The following CD2AP variants were observed in gnomAD, a reference collection of about 807,000 sequenced individuals.
CD2AP encodes the protein CD2-associated protein.
A neutral mutation model predicts 85.1 loss-of-function variants in CD2AP; 46 were observed. That is an observed-to-expected ratio of 0.54 (90% CI 0.43 to 0.69). The LOEUF (loss-of-function observed/expected upper bound fraction) is 0.69, where lower values mean the gene tolerates loss of function less well. CD2AP is among the 30% of genes least tolerant of loss of function. CD2AP has a pLI of 0.00. For synonymous variants in CD2AP, 255 were observed against 252.9 expected, an observed-to-expected ratio of 1.01 and a Z score of -0.08; for missense variants, 769 against 729.5, an observed-to-expected ratio of 1.05 and a Z score of -0.62.
rs1305481036 is a variant in CD2AP, at chr6:47,554,688, GGA to G, written c.464_465del (p.Gly155AlafsTer15). The G allele has an allele frequency of 1.9e-6, 3 of 1,613,476 alleles. No individual in the cohort carries two copies. The highest frequency in any genetic ancestry group is 2.2e-5 in the South Asian group (2 of 91,050). On this transcript the variant is annotated frameshift_variant, in exon 5 of 18. Transcript: ENST00000359314. LOFTEE classifies it high-confidence loss of function. The stretch of plus-strand genomic sequence containing the variant: ...GAGTGGAACCCTGAATAACAAGTTG[GGA>G]CTGTTTCCCTCAAATTTTGTGAAAG... ...WWSGTLNNKLGLFPSNFVKEL... is the reference protein window; with the variant it reads ...WWSGTLNNKLXLFPSNFVKEL...
chr6:47,545,638 C>A (rs1280450463), intron 4 of CD2AP, among the ~76,000 whole-genome samples: 1 of 152,168 alleles, frequency 6.6e-6, no homozygotes, highest in East Asian at 1.9e-4. Flanking sequence ...CCACTTCCAC[C>A]AGAGCAGGTG....
chr6:47,577,072 AAG>A lies in CD2AP; in HGVS notation c.875_876del (p.Glu292GlyfsTer9), dbSNP rs1273156721. On this transcript the variant is annotated frameshift_variant, in exon 8 of 18. Coordinates refer to ENST00000359314, the MANE Select transcript of CD2AP (RefSeq NM_012120.3). LOFTEE classifies it high-confidence loss of function. Reference sequence around the variant, plus strand: ...ACTAATGAAGATGAACTTACTTTTAAAGAGGGGGAGATAATCCATTTGATAAG... The same window carrying A: ...ACTAATGAAGATGAACTTACTTTTAAAGGGGGAGATAATCCATTTGATAAG... 2.0e-6 allele frequency: 3 copies of A among 1,534,694 alleles called. No homozygotes were observed. Among genetic ancestry groups the A allele is most frequent in the Non-Finnish European group, 2.7e-6 (3 of 1,108,092 alleles).
intron 5 of CD2AP, among the ~76,000 whole-genome samples, chr6:47,557,344 T>C (rs1327399320): frequency 6.6e-6 from 1 of 152,210 alleles, no homozygotes; most frequent in African/African-American, 2.4e-5. Context: ...ATCCCATTTG[T>C]CAATTTTGGC....
intron 5 of CD2AP, among the ~76,000 whole-genome samples, chr6:47,555,670 A>G (rs1361438853): frequency 6.6e-6 from 1 of 152,194 alleles, no homozygotes; most frequent in African/African-American, 2.4e-5. Flanking sequence ...TTGTGTCCCA[A>G]TGCTACACTT....
intron 10 of CD2AP, 141 bp from the exon 11 acceptor site, chr6:47,581,862 A>C: frequency 6.5e-6 from 4 of 617,148 alleles, no homozygotes; most frequent in South Asian, 1.8e-5. Context: ...TGAGCCTGGT[A>C]ATTCCGGTAC....
At chr6:47,517,913 A>G (rs189900120) in intron 2 of CD2AP, among the ~76,000 whole-genome samples, 12 of 152,308 alleles carry the variant, frequency 7.9e-5, no homozygotes, top group African/African-American at 2.6e-4. Context: ...AATCTAGTAG[A>G]CTTCGCTTAC....
At chr6:47,485,590 T>C (rs917857580) in intron 1 of CD2AP, among the ~76,000 whole-genome samples, 1 of 152,126 alleles carries the variant, frequency 6.6e-6, no homozygotes, top group Non-Finnish European at 1.5e-5. Context: ...TAAAAAAATG[T>C]AGTTAGCTTT....
At chr6:47,478,286 C>G in intron 1 of CD2AP, 38 bp downstream of exon 1, 1 of 1,565,378 alleles carries the variant, frequency 6.4e-7, no homozygotes. Context: ...CCGTCCGGAC[C>G]TTCCAGACCC....
intron 2 of CD2AP, among the ~76,000 whole-genome samples, chr6:47,512,972 G>A (rs374273828): frequency 6.6e-6 from 1 of 152,158 alleles, no homozygotes; most frequent in Non-Finnish European, 1.5e-5. Context: ...TTACAAATGG[G>A]TTTTATAACA....
At chr6:47,540,733 A>C (rs1767193822) in intron 3 of CD2AP, among the ~76,000 whole-genome samples, 1 of 152,232 alleles carries the variant, frequency 6.6e-6, no homozygotes, top group African/African-American at 2.4e-5. Flanking sequence ...CCTTAAGTCC[A>C]ATTTTAAGAG....
intron 2 of CD2AP, among the ~76,000 whole-genome samples, chr6:47,529,742 T>C (rs1015186026): frequency 6.6e-6 from 1 of 152,204 alleles, no homozygotes; most frequent in Non-Finnish European, 1.5e-5. Flanking sequence ...ATCGGTTTCC[T>C]TGTACATTGT....
Position 47,617,953 on chromosome 6 carries a change from G to A in CD2AP, c.1878+5417G>A, listed in dbSNP as rs375392156. Among the ~76,000 whole-genome samples, 13 of 152,168 alleles carry A rather than the reference G, an allele frequency of 8.5e-5. No individual in the cohort carries two copies. The East Asian group carries it at 1.4e-3, about 16-fold the overall frequency. On this transcript the variant is annotated intron_variant, in intron 17 of 17. Coordinates refer to ENST00000359314, the MANE Select transcript of CD2AP (RefSeq NM_012120.3). The stretch of plus-strand genomic sequence containing the variant: ...TTTTGCCTCATCTTCTAATGCCCAC[G>A]TTCTACAGATTCTCAAGGCCCTGCT...
chr6:47,590,264 A>G (rs1353095256), intron 11 of CD2AP, among the ~76,000 whole-genome samples: 3 of 152,254 alleles, frequency 2.0e-5, no homozygotes, highest in Non-Finnish European at 4.4e-5. Context: ...TAATTTTGAC[A>G]GAACTAGAAC....
At chr6:47,623,030 G>A (rs774874934) in intron 17 of CD2AP, among the ~76,000 whole-genome samples, 8 of 152,180 alleles carry the variant, frequency 5.3e-5, no homozygotes, top group Admixed American at 3.3e-4. Flanking sequence ...ATAACAGATC[G>A]GGCTGACAAT....
chr6:47,563,150 C>T, intron 5 of CD2AP: 1 of 183,386 alleles, frequency 5.5e-6, no homozygotes, highest in Non-Finnish European at 1.2e-5. Flanking sequence ...CATTTCTTAA[C>T]CCTTGTTCTG....
intron 12 of CD2AP, among the ~76,000 whole-genome samples, chr6:47,599,000 GT>G (rs1358925132): frequency 6.7e-6 from 1 of 150,316 alleles, no homozygotes; most frequent in Non-Finnish European, 1.5e-5. Context: ...ACCTTCCAGA[GT>G]TGTCCTTCTA....
intron 4 of CD2AP, among the ~76,000 whole-genome samples, chr6:47,553,089 C>G (rs1767571088): frequency 1.3e-5 from 2 of 151,640 alleles, no homozygotes; most frequent in Non-Finnish European, 2.9e-5. Flanking sequence ...TAGCCATCTG[C>G]TTATTGATTT....
chr6:47,481,950 A>G (rs929814214), intron 1 of CD2AP, among the ~76,000 whole-genome samples: 2 of 151,948 alleles, frequency 1.3e-5, no homozygotes, highest in African/African-American at 4.8e-5. Flanking sequence ...TTGTAGATAC[A>G]GGCTCTCCCT....
chr6:47,511,973 A>G (rs1014802167), intron 2 of CD2AP, among the ~76,000 whole-genome samples: 1 of 152,116 alleles, frequency 6.6e-6, no homozygotes, highest in South Asian at 2.1e-4. Flanking sequence ...CCTGGCTAAC[A>G]CGGAGAAACC....
Sources: gnomAD v4.1 joint callset for allele counts (sites outside exome capture counted in the v4.1 genomes callset) on GRCh38, gnomAD v4.1.1 for gene constraint, MANE v1.5 for transcripts, NCBI Gene and HGNC (gene_info 2026-07-23, HGNC 2026-07-21) for gene names.